The following EYS variants were observed in gnomAD, a reference collection of about 807,000 sequenced individuals.
EYS encodes EGF-like photoreceptor maintenance factor.
In EYS, 250 loss-of-function variants were observed where a neutral mutation model predicts 282.1. The ratio of observed to expected loss-of-function variants is 0.89; its 90% CI spans 0.80 to 0.98. The LOEUF is 0.98. Ranked by LOEUF, EYS falls within the 50% of genes least tolerant of loss-of-function variation. The pLI, the probability that EYS is intolerant of heterozygous loss-of-function variation, is 0.00. For synonymous variants in EYS, 1,355 were observed against 1,282.9 expected, an observed-to-expected ratio of 1.06 and a Z score of -1.20; for missense variants, 4,016 against 3,709.0, an observed-to-expected ratio of 1.08 and a Z score of -2.15.
At chr6:64,489,972 A>G (rs761014444) in intron 26 of EYS, among the ~76,000 whole-genome samples, 9 of 150,862 alleles carry the variant, frequency 6.0e-5, no homozygotes, top group Non-Finnish European at 1.2e-4. Context: ...ACTTTGGCAC[A>G]GTCTGAAAAG....
chr6:65,173,892 T>C (rs1246462031), intron 12 of EYS, among the ~76,000 whole-genome samples: 1 of 151,252 alleles, frequency 6.6e-6, no homozygotes, highest in Non-Finnish European at 1.5e-5. Context: ...TACAATTACA[T>C]TGACAGAATA....
At chr6:64,443,482 T>C (rs906950583) in intron 26 of EYS, among the ~76,000 whole-genome samples, 28 of 152,238 alleles carry the variant, frequency 1.8e-4, no homozygotes, top group African/African-American at 6.7e-4. Context: ...TGTGAAGATA[T>C]GAGTTTTGGG....
chr6:64,650,359 A>T (rs1981094), intron 22 of EYS, among the ~76,000 whole-genome samples: 96,588 of 151,218 alleles, frequency 0.64, 31,039 homozygotes, highest in African/African-American at 0.71. Context: ...ACTTAACAAA[A>T]CCTAGATTTT....
intron 31 of EYS, among the ~76,000 whole-genome samples, chr6:64,093,241 T>C (rs1362780065): frequency 6.6e-6 from 1 of 152,016 alleles, no homozygotes; most frequent in African/African-American, 2.4e-5. Context: ...ATGTGGGCTC[T>C]TTTTTGGTTC....
chr6:63,721,257 G>T lies in EYS; in HGVS notation c.8774C>A (p.Ser2925Tyr). 1 of 1,551,878 alleles carries T rather than the reference G, an allele frequency of 6.4e-7. No homozygotes were observed. The highest frequency in any genetic ancestry group is 8.7e-7 in the Non-Finnish European group (1 of 1,146,946). ...AAATGATTGGTCAGGTATACATAAAGATTGGTGGAGGCAAAGATTATTCAA... is the reference window on the plus strand; with the variant it reads ...AAATGATTGGTCAGGTATACATAAATATTGGTGGAGGCAAAGATTATTCAA... The part of the protein sequence containing the change: ...SCLNNLCLHQ[S>Y]LCIPDQSFSY... Residue 2925 changes from serine to tyrosine, a missense_variant, in exon 43 of 43, where the codon TCT becomes TAT. Physicochemically the swap from Ser to Tyr is moderately radical, Grantham distance 144 (BLOSUM62 -2). Transcript: ENST00000503581.
chr6:64,085,602 A>G (rs1772131523), intron 31 of EYS, among the ~76,000 whole-genome samples: 1 of 152,170 alleles, frequency 6.6e-6, no homozygotes. Context: ...CTTTCTAGTT[A>G]AATCTTGCTT....
chr6:63,739,846 A>G (rs942800965), intron 41 of EYS, among the ~76,000 whole-genome samples: 4 of 142,134 alleles, frequency 2.8e-5, no homozygotes, highest in African/African-American at 1.1e-4. Context: ...GGTGCATGCC[A>G]CCACGCCCAG....
intron 12 of EYS, among the ~76,000 whole-genome samples, chr6:65,144,861 T>G (rs1463537278): frequency 2.0e-5 from 3 of 151,754 alleles, no homozygotes; most frequent in Non-Finnish European, 4.4e-5. Context: ...GCCTCCCAGG[T>G]TCAAGCGATT....
At chr6:65,695,281 T>A (rs138980637) in intron 1 of EYS, among the ~76,000 whole-genome samples, 52 of 152,174 alleles carry the variant, frequency 3.4e-4, no homozygotes, top group African/African-American at 1.1e-3. Flanking sequence ...AGAGACATGG[T>A]ATTTATCACC....
intron 8 of EYS, among the ~76,000 whole-genome samples, chr6:65,364,563 TC>T (rs1764840717): frequency 6.6e-6 from 1 of 151,620 alleles, no homozygotes; most frequent in Non-Finnish European, 1.5e-5. Flanking sequence ...TCTTATGATA[TC>T]CTTCTCTTTA....
intron 4 of EYS, among the ~76,000 whole-genome samples, chr6:65,492,332 G>GAAAT (rs35400995): frequency 2.0e-5 from 3 of 149,808 alleles, no homozygotes; most frequent in African/African-American, 7.4e-5. Context: ...AAGAAAGAAA[G>GAAAT]AAACAAACAA....
intron 14 of EYS, among the ~76,000 whole-genome samples, chr6:64,993,736 AC>A (rs112922457): frequency 1.5e-4 from 23 of 150,892 alleles, no homozygotes; most frequent in Admixed American, 1.0e-3. Context: ...TTAAAAAAAA[AC>A]CAAAATAATG....
chr6:65,214,374 A>G (rs1766260042), intron 12 of EYS, among the ~76,000 whole-genome samples: 1 of 152,182 alleles, frequency 6.6e-6, no homozygotes, highest in East Asian at 1.9e-4. Flanking sequence ...ATAAAATATT[A>G]AAACAGTCAC....
intron 26 of EYS, among the ~76,000 whole-genome samples, chr6:64,552,918 C>T (rs1297667315): frequency 7.3e-6 from 1 of 137,926 alleles, no homozygotes; most frequent in African/African-American, 2.6e-5. Flanking sequence ...ACTCCATTCC[C>T]CCCCGCCCCC....
chr6:64,258,753 C>T (rs1441391421), intron 30 of EYS, among the ~76,000 whole-genome samples: 3 of 151,766 alleles, frequency 2.0e-5, no homozygotes, highest in Admixed American at 6.6e-5. Flanking sequence ...AGTTCATTAT[C>T]GTTCCTATTT....
chr6:64,048,333 C>A (rs1770695906), intron 33 of EYS, among the ~76,000 whole-genome samples: 1 of 152,076 alleles, frequency 6.6e-6, no homozygotes, highest in African/African-American at 2.4e-5. Flanking sequence ...TTATTTTGAT[C>A]CTTGAGCTAC....
At chr6:65,656,522 A>G (rs1767835651) in intron 1 of EYS, among the ~76,000 whole-genome samples, 1 of 151,936 alleles carries the variant, frequency 6.6e-6, no homozygotes, top group African/African-American at 2.4e-5. Flanking sequence ...GCCAAAGTTT[A>G]ATCTGTAGCA....
At chr6:64,451,836 T>C (rs910133511) in intron 26 of EYS, among the ~76,000 whole-genome samples, 8 of 152,240 alleles carry the variant, frequency 5.3e-5, no homozygotes, top group African/African-American at 1.2e-4. Flanking sequence ...TCTCAATAAA[T>C]TAGGTATTGA....
intron 41 of EYS, among the ~76,000 whole-genome samples, chr6:63,759,255 C>T (rs919836794): frequency 8.6e-5 from 13 of 152,046 alleles, no homozygotes; most frequent in Non-Finnish European, 1.9e-4. Flanking sequence ...AATTTCCCCA[C>T]GAACAGAGAT....
Sources: gnomAD v4.1 joint callset for allele counts (sites outside exome capture counted in the v4.1 genomes callset) on GRCh38, gnomAD v4.1.1 for gene constraint, MANE v1.5 for transcripts, NCBI Gene and HGNC (gene_info 2026-07-23, HGNC 2026-07-21) for gene names.